Variants in PCDHGA2 observed in about 807,000 individuals in gnomAD.
PCDHGA2 encodes the protein protocadherin gamma-A2.
PCDHGA2 carries 40 observed loss-of-function variants against 59.2 expected under a neutral mutation model. That is an observed-to-expected ratio of 0.68 (90% CI 0.52 to 0.88). The LOEUF (loss-of-function observed/expected upper bound fraction) is 0.88. Ranked by LOEUF, PCDHGA2 falls within the 40% of genes least tolerant of loss-of-function variation. PCDHGA2 has a pLI of 0.00. For missense variants in PCDHGA2, 1,226 were observed against 1,204.0 expected (o/e 1.02, Z -0.27); for synonymous variants, 560 against 526.0 (o/e 1.06, Z -0.89).
intron 1 of PCDHGA2, chr5:141,389,156 T>C (rs2091626888): frequency 6.2e-7 from 1 of 1,613,950 alleles, no homozygotes; most frequent in Non-Finnish European, 8.5e-7. Flanking sequence ...CGGCAACAGA[T>C]CGGGGCAAGC....
At position 141,498,794 on chromosome 5, in the gene PCDHGA2, G is replaced by A. The variant is rs184257963; in HGVS notation, c.2483+3929G>A. ...TAAAAATACAAAATATTAGCCAGGT[G>A]TGGTGGTGCACACCTGTAGTCCCAG... On this transcript the variant is annotated intron_variant, in intron 2 of 3. Transcript: ENST00000394576. Among the ~76,000 whole-genome samples the A allele has an allele frequency of 7.9e-5, 12 of 152,224 alleles. No individual in the cohort carries two copies. The East Asian group carries it at 2.3e-3, about 30-fold the overall frequency.
At chr5:141,356,798 C>T (rs760196769) in intron 1 of PCDHGA2, 2 of 1,613,916 alleles carry the variant, frequency 1.2e-6, no homozygotes, top group Non-Finnish European at 8.5e-7. Context: ...CTGCTGATGA[C>T]AGCCAGTGAC....
chr5:141,427,978 T>C (rs750753961), intron 1 of PCDHGA2: 1 of 1,595,484 alleles, frequency 6.3e-7, no homozygotes, highest in African/African-American at 1.3e-5. Flanking sequence ...TACCCCGCGC[T>C]GGGGCCCGAT....
intron 1 of PCDHGA2, chr5:141,365,046 C>A (rs753242901): frequency 6.2e-7 from 1 of 1,613,884 alleles, no homozygotes; most frequent in Admixed American, 1.7e-5. Context: ...AACGACAATG[C>A]GCCCCTGTTC....
At position 141,340,120 on chromosome 5, in the gene PCDHGA2, C is replaced by A. The variant is rs779861738; in HGVS notation, c.1149C>A (p.Thr383=). ...DRDSGQNAFT[T]CSLPEDLPFK... ...ACTCTGGGCAGAACGCATTCACCAC[C>A]TGTTCACTCCCCGAGGATCTTCCTT... Residue 383 remains threonine, a synonymous_variant, in exon 1 of 4, where the codon ACC becomes ACA. Transcript: ENST00000394576. 6.2e-7 allele frequency: 1 copy of A among 1,614,108 alleles called. No individual in the cohort carries two copies. The highest frequency in any genetic ancestry group is 2.2e-5 in the East Asian group (1 of 44,880).
rs2099686717 is a variant in PCDHGA2, at chr5:141,489,403, A to C, written c.2425-5404A>C. The C allele has an allele frequency of 6.2e-7, 1 of 1,614,172 alleles. No homozygotes were observed. Among genetic ancestry groups the C allele is most frequent in the East Asian group, 2.2e-5 (1 of 44,884 alleles). On this transcript the variant is annotated intron_variant, in intron 1 of 3. Coordinates refer to ENST00000394576, the MANE Select transcript of PCDHGA2 (RefSeq NM_018915.4). The surrounding 1 kb of genome is among the most constrained non-coding windows in gnomAD (Gnocchi z 4.5). ...GAATGTTGCTCAGGATCTGGGCTTA[A>C]AGATGACAGATCTGTTGAGCCGGCG...
chr5:141,361,021 G>GA (rs758957504), intron 1 of PCDHGA2: 19 of 1,612,934 alleles, frequency 1.2e-5, no homozygotes, highest in Admixed American at 6.7e-5. Flanking sequence ...CAACTTAAAT[G>GA]AAAAAACAGG....
chr5:141,466,683 A>G (rs1347308492), intron 1 of PCDHGA2, among the ~76,000 whole-genome samples: 1 of 152,170 alleles, frequency 6.6e-6, no homozygotes, highest in African/African-American at 2.4e-5. Context: ...CTTCCACTCA[A>G]GCTTCATCAT....
chr5:141,370,960 G>A, intron 1 of PCDHGA2: 2 of 1,614,014 alleles, frequency 1.2e-6, no homozygotes, highest in Non-Finnish European at 1.7e-6. Context: ...CTGGATGGCA[G>A]TAGGTACCCA....
chr5:141,361,499 C>T (rs1762048821), intron 1 of PCDHGA2: 3 of 1,613,948 alleles, frequency 1.9e-6, no homozygotes, highest in South Asian at 1.1e-5. Context: ...TTCCAACAGA[C>T]TTCCTACATG....
intron 1 of PCDHGA2, among the ~76,000 whole-genome samples, chr5:141,482,530 C>CGAAAAAAA (rs2099566141): frequency 1.3e-5 from 1 of 76,562 alleles, no homozygotes; most frequent in African/African-American, 4.8e-5. Context: ...GACAGACATG[C>CGAAAAAAA]AAAAAAAAAA....
At position 141,384,552 on chromosome 5, in the gene PCDHGA2, C is replaced by A. The variant is rs752995629; in HGVS notation, c.2424+43157C>A. ...GCAGCAACATGTCACTGAGCCTGTTCGTGCTGGACCAGAATGACAACCCGC... is the reference window on the plus strand; with the variant it reads ...GCAGCAACATGTCACTGAGCCTGTTAGTGCTGGACCAGAATGACAACCCGC... On this transcript the variant is annotated intron_variant, in intron 1 of 3. Transcript: ENST00000394576. 1.4e-5 allele frequency: 22 copies of A among 1,614,148 alleles called. No individual in the cohort carries two copies. In the Admixed American group the frequency reaches 3.0e-4, roughly 22 times the overall value.
At chr5:141,404,147 G>C in intron 1 of PCDHGA2, 1 of 1,612,990 alleles carries the variant, frequency 6.2e-7, no homozygotes, top group African/African-American at 1.3e-5. Context: ...AAATTCAGAA[G>C]AAGATTATTA....
rs1431906047 is a variant in PCDHGA2, at chr5:141,485,858, C to T, written c.2425-8949C>T. On this transcript the variant is annotated intron_variant, in intron 1 of 3. Transcript: ENST00000394576. This position sits in a 1 kb window ranked among gnomAD's most constrained non-coding sequence, Gnocchi z 5.7. ...GCCGAGATCTGGCACCGCAGAGCTC[C>T]GGGTATCCGTGCTGGACGTAAACGA... The T allele has an allele frequency of 1.9e-6, 3 of 1,614,162 alleles. No individual in the cohort carries two copies. The highest frequency in any genetic ancestry group is 2.5e-6 in the Non-Finnish European group (3 of 1,180,028).
At chr5:141,348,388 G>A (rs1245870631) in intron 1 of PCDHGA2, among the ~76,000 whole-genome samples, 2 of 152,024 alleles carry the variant, frequency 1.3e-5, no homozygotes, top group Admixed American at 1.3e-4. Context: ...GGGCAACATA[G>A]CATGACCCTG....
chr5:141,403,220 A>G (rs1340190547), intron 1 of PCDHGA2: 1 of 1,613,824 alleles, frequency 6.2e-7, no homozygotes, highest in Non-Finnish European at 8.5e-7. Context: ...CGCGGGTAGG[A>G]TAGACCGGGA....
At chr5:141,353,093 G>T (rs1040742747) in intron 1 of PCDHGA2, among the ~76,000 whole-genome samples, 2 of 152,022 alleles carry the variant, frequency 1.3e-5, no homozygotes, top group African/African-American at 2.4e-5. Context: ...TGCGGGAGGG[G>T]GTACTAGATA....
Position 141,432,098 on chromosome 5 carries a change from G to C in PCDHGA2, c.2425-62709G>C, listed in dbSNP as rs771050429. The C allele has an allele frequency of 1.9e-6, 3 of 1,613,938 alleles. No homozygotes were observed. The highest frequency in any genetic ancestry group is 1.7e-5 in the Admixed American group (1 of 59,992). On this transcript the variant is annotated intron_variant, in intron 1 of 3. Transcript: ENST00000394576. The surrounding 1 kb of genome is among the most constrained non-coding windows in gnomAD (Gnocchi z 6.0). ...CTCGCTGAACGTGGCAGACACCAAC[G>C]ACAACCCGCCGGTCTTCCCTCAGGC...
intron 1 of PCDHGA2, among the ~76,000 whole-genome samples, chr5:141,405,891 A>G (rs1029768115): frequency 1.3e-5 from 2 of 152,164 alleles, no homozygotes; most frequent in African/African-American, 4.8e-5. Flanking sequence ...TTGCTCCAAC[A>G]CTGAAAGGAG....
Sources: gnomAD v4.1 joint callset for allele counts (sites outside exome capture counted in the v4.1 genomes callset) on GRCh38, gnomAD v4.1.1 for gene constraint, Gnocchi (gnomAD v3.1) non-coding constraint, MANE v1.5 for transcripts, NCBI Gene and HGNC (gene_info 2026-07-23, HGNC 2026-07-21) for gene names.